SPAG16: variants seen among roughly 807,000 people sequenced by gnomAD.
SPAG16 encodes the protein sperm-associated antigen 16 protein.
SPAG16 carries 86 observed loss-of-function variants against 80.4 expected under a neutral mutation model. The ratio of observed to expected loss-of-function variants is 1.07; its 90% confidence interval spans 0.90 to 1.28. The LOEUF (loss-of-function observed/expected upper bound fraction) is 1.28. Among genes scored for constraint, SPAG16 ranks in the 50% most tolerant of loss-of-function variants. The pLI, the probability that SPAG16 is intolerant of heterozygous loss-of-function variation, is 0.00. For synonymous variants in SPAG16, 294 were observed against 265.9 expected (o/e 1.11, Z -1.03); for missense variants, 870 against 765.3 (o/e 1.14, Z -1.61).
rs1411697734 is a variant in SPAG16 at position 213,530,515 on chromosome 2, G to A, written c.1070+40425G>A. The stretch of plus-strand genomic sequence containing the variant: ...TATACACCTTTAAAAAGTCAAGTAG[G>A]ACCAGAAGCATTTATAATGAAAAAT... On this transcript the variant is annotated intron_variant, in intron 10 of 15. Transcript: ENST00000331683. Among the ~76,000 whole-genome samples, 5 of 152,162 alleles carry A rather than the reference G, an allele frequency of 3.3e-5. No homozygotes were observed. In the South Asian group the frequency reaches 8.3e-4, roughly 25 times the overall value.
At chr2:213,874,727 G>A (rs919859191) in intron 11 of SPAG16, among the ~76,000 whole-genome samples, 4 of 152,092 alleles carry the variant, frequency 2.6e-5, no homozygotes, top group Non-Finnish European at 5.9e-5. Flanking sequence ...ATCACTGACT[G>A]CAATGACTTT....
At chr2:213,511,509 T>C (rs1335270588) in intron 10 of SPAG16, among the ~76,000 whole-genome samples, 1 of 152,104 alleles carries the variant, frequency 6.6e-6, no homozygotes, top group East Asian at 1.9e-4. Context: ...AAATGTTAGA[T>C]TTTTCTATAG....
intron 10 of SPAG16, among the ~76,000 whole-genome samples, chr2:213,811,622 AAC>A (rs796464696): frequency 4.6e-5 from 7 of 152,322 alleles, no homozygotes; most frequent in African/African-American, 1.7e-4. Context: ...TGAAAAATAC[AAC>A]AGAGACTAGC....
At chr2:214,328,354 G>A (rs1056592444) in intron 15 of SPAG16, among the ~76,000 whole-genome samples, 1 of 152,042 alleles carries the variant, frequency 6.6e-6, no homozygotes, top group African/African-American at 2.4e-5. Flanking sequence ...ATAGAGATGG[G>A]GTTTCGCTCT....
chr2:214,241,705 G>A (rs561224411), intron 15 of SPAG16, among the ~76,000 whole-genome samples: 12 of 152,264 alleles, frequency 7.9e-5, no homozygotes, highest in Non-Finnish European at 1.3e-4. Flanking sequence ...ATTAACTAAA[G>A]TAATGATGTA....
At chr2:214,216,453 C>G (rs967152221) in intron 15 of SPAG16, among the ~76,000 whole-genome samples, 1 of 152,192 alleles carries the variant, frequency 6.6e-6, no homozygotes, top group African/African-American at 2.4e-5. Context: ...TACCAAGTAG[C>G]TGGGATTACA....
At chr2:213,789,023 T>G (rs552879314) in intron 10 of SPAG16, among the ~76,000 whole-genome samples, 1 of 152,102 alleles carries the variant, frequency 6.6e-6, no homozygotes, top group South Asian at 2.1e-4. Flanking sequence ...TCCTGTTTTC[T>G]CTGTCACTGA....
intron 5 of SPAG16, among the ~76,000 whole-genome samples, chr2:213,327,145 A>G (rs957205381): frequency 1.6e-5 from 2 of 124,244 alleles, no homozygotes; most frequent in African/African-American, 3.0e-5. Flanking sequence ...TGTACTTGAA[A>G]CAATGTCTGT....
chr2:213,945,786 A>C (rs1383354941), intron 12 of SPAG16, among the ~76,000 whole-genome samples: 2 of 152,166 alleles, frequency 1.3e-5, no homozygotes, highest in African/African-American at 4.8e-5. Context: ...ATCTGACGGC[A>C]ACTTAATCTT....
intron 10 of SPAG16, among the ~76,000 whole-genome samples, chr2:213,580,066 C>G (rs1559276238): frequency 6.6e-6 from 1 of 152,040 alleles, no homozygotes; most frequent in East Asian, 1.9e-4. Context: ...TTCGTTCCCC[C>G]TGAAGCAAGC....
chr2:213,798,547 C>T (rs1411103807), intron 10 of SPAG16, among the ~76,000 whole-genome samples: 1 of 152,108 alleles, frequency 6.6e-6, no homozygotes, highest in Non-Finnish European at 1.5e-5. Flanking sequence ...TGAGCCACTG[C>T]ACCCGGCCTC....
At chr2:214,169,254 A>G (rs2056785902) in intron 15 of SPAG16, among the ~76,000 whole-genome samples, 1 of 152,108 alleles carries the variant, frequency 6.6e-6, no homozygotes, top group Non-Finnish European at 1.5e-5. Flanking sequence ...TTACTAACCA[A>G]TATAATTTAA....
intron 15 of SPAG16, among the ~76,000 whole-genome samples, chr2:214,179,570 T>C (rs868477529): frequency 4.6e-5 from 7 of 151,460 alleles, no homozygotes; most frequent in African/African-American, 1.7e-4. Context: ...TTCTGTTTTC[T>C]AAACTGGGTT....
chr2:213,638,344 T>C (rs990990954), intron 10 of SPAG16, among the ~76,000 whole-genome samples: 4 of 152,142 alleles, frequency 2.6e-5, no homozygotes, highest in African/African-American at 9.7e-5. Context: ...AGATTATCTA[T>C]TCATGCTCTT....
intron 5 of SPAG16, among the ~76,000 whole-genome samples, chr2:213,321,166 A>T (rs999817242): frequency 2.6e-5 from 4 of 152,186 alleles, no homozygotes; most frequent in African/African-American, 9.6e-5. Context: ...TACACAAAAA[A>T]GTCAGGTTGC....
intron 15 of SPAG16, among the ~76,000 whole-genome samples, chr2:214,341,429 T>C (rs1269117232): frequency 6.6e-6 from 1 of 152,170 alleles, no homozygotes; most frequent in African/African-American, 2.4e-5. Flanking sequence ...GCATATTGAA[T>C]GAATAAGAGA....
Position 213,501,614 on chromosome 2 carries a change from C to G in SPAG16, c.1070+11524C>G, listed in dbSNP as rs534584586. On this transcript the variant is annotated intron_variant, in intron 10 of 15. Transcript: ENST00000331683. ...TTTAAACAGAATGATTGGGAAATAA[C>G]TACCGTAATTTCTTAGTGATAATTT... Among the ~76,000 whole-genome samples the G allele has an allele frequency of 2.6e-5, 4 of 152,146 alleles. No individual in the cohort carries two copies. In the South Asian group the frequency reaches 8.3e-4, roughly 31 times the overall value.
intron 11 of SPAG16, among the ~76,000 whole-genome samples, chr2:213,902,115 A>G (rs1418357878): frequency 3.9e-5 from 6 of 152,246 alleles, no homozygotes; most frequent in Non-Finnish European, 4.4e-5. Flanking sequence ...GAAGCTTTCA[A>G]TAAAAAATAT....
intron 11 of SPAG16, among the ~76,000 whole-genome samples, chr2:213,905,183 A>G (rs1053487990): frequency 6.6e-6 from 1 of 152,174 alleles, no homozygotes; most frequent in African/African-American, 2.4e-5. Flanking sequence ...TATGATTTTT[A>G]CAGTTTATTT....
Sources: gnomAD v4.1 joint callset for allele counts (sites outside exome capture counted in the v4.1 genomes callset) on GRCh38, gnomAD v4.1.1 for gene constraint, MANE v1.5 for transcripts, NCBI Gene and HGNC (gene_info 2026-07-23, HGNC 2026-07-21) for gene names.